SYCP2: variants seen among roughly 807,000 people sequenced by gnomAD.
SYCP2 encodes the protein synaptonemal complex protein 2, also known as synaptonemal complex lateral element protein.
Under a neutral mutation model 211.3 loss-of-function variants are expected in SYCP2, and 55 were observed. The ratio of observed to expected loss-of-function variants is 0.26; its 90% CI spans 0.21 to 0.33. The LOEUF (loss-of-function observed/expected upper bound fraction) is 0.33, where lower values mean the gene tolerates loss of function less well. Ranked by LOEUF, SYCP2 falls within the 10% of genes least tolerant of loss-of-function variation. The pLI, the probability that SYCP2 is intolerant of heterozygous loss-of-function variation, is 1.00. For missense variants in SYCP2, 1,731 were observed against 1,752.0 expected (o/e 0.99, Z 0.21); for synonymous variants, 570 against 555.2 (o/e 1.03, Z -0.37).
chr20:59,917,052 A>G (rs1176543731), intron 7 of SYCP2, among the ~76,000 whole-genome samples: 1 of 152,204 alleles, frequency 6.6e-6, no homozygotes, highest in Non-Finnish European at 1.5e-5. Flanking sequence ...AACACCACTC[A>G]ACAAATGTGA....
In SYCP2 at chr20:59,865,792, G is replaced by A. The variant is rs1307378974; in HGVS notation, c.4379+15C>T. 1.0e-5 allele frequency: 14 copies of A among 1,338,802 alleles called. No individual in the cohort carries two copies. Among genetic ancestry groups the A allele is most frequent in the Non-Finnish European group, 1.4e-5 (14 of 1,008,660 alleles). The allele number at this position is 1,338,802 out of a possible 1,614,324, so 82.9% of individuals were successfully genotyped here. A position where few individuals can be genotyped will look rare whatever the true frequency, so the allele number is the denominator to read the frequency against. On this transcript the variant is annotated intron_variant, in intron 42 of 44. Transcript: ENST00000357552. ...TAATTTTATAGATTATAGCCATTAA[G>A]AATGTCATACTAACCTCTGTTGTTC... is the stretch of plus-strand genomic sequence containing the variant.
intron 15 of SYCP2, among the ~76,000 whole-genome samples, chr20:59,902,403 A>C (rs2060131545): frequency 6.6e-6 from 1 of 152,072 alleles, no homozygotes; most frequent in African/African-American, 2.4e-5. Context: ...AAAAGTTACC[A>C]AAAAATTACC....
rs1229720990 is a variant in SYCP2 at position 59,865,884 on chromosome 20, T to A, written c.4321-19A>T. 9.2e-7 allele frequency: 1 copy of A among 1,091,196 alleles called. No individual in the cohort carries two copies. Among genetic ancestry groups the A allele is most frequent in the Non-Finnish European group, 1.3e-6 (1 of 781,858 alleles). The allele number at this position is 1,091,196 out of a possible 1,614,324, so 67.6% of individuals were successfully genotyped here. A position where few individuals can be genotyped will look rare whatever the true frequency, so the allele number is the denominator to read the frequency against. ...AAAAGTCCTAAATTAATTAATAAAA[T>A]TTTATTTAGTCCTAAATATTTTAGT... On this transcript the variant is annotated intron_variant, in intron 41 of 44. Transcript: ENST00000357552.
Position 59,898,880 on chromosome 20 carries a change from G to A in SYCP2, c.1404+1258C>T, listed in dbSNP as rs146534051. On this transcript the variant is annotated intron_variant, in intron 18 of 44. Transcript: ENST00000357552. ...CATGAATGAACATGGCATGCAAAGA[G>A]ACAGTAAAGCAAACTACCTTACAAA... 7.2e-4 allele frequency among the ~76,000 whole-genome samples: 109 copies of A among 152,202 alleles called. No individual in the cohort carries two copies. The East Asian group carries it at 0.02, about 27-fold the overall frequency.
chr20:59,909,143 CCTT>C (rs1174609237), intron 14 of SYCP2, among the ~76,000 whole-genome samples: 1 of 152,114 alleles, frequency 6.6e-6, no homozygotes, highest in African/African-American at 2.4e-5. Flanking sequence ...CTTCAAGTAT[CCTT>C]CTGGCTAAAA....
intron 15 of SYCP2, among the ~76,000 whole-genome samples, chr20:59,904,693 T>C (rs1273970994): frequency 1.3e-5 from 2 of 152,146 alleles, no homozygotes; most frequent in African/African-American, 2.4e-5. Context: ...ACTATATTAG[T>C]CTGTATTAGT....
chr20:59,926,549 T>G (rs571780631), intron 2 of SYCP2, among the ~76,000 whole-genome samples: 1 of 152,204 alleles, frequency 6.6e-6, no homozygotes, highest in East Asian at 1.9e-4. Context: ...CCCTAATAAC[T>G]TAAATAATAA....
intron 24 of SYCP2, among the ~76,000 whole-genome samples, chr20:59,891,654 A>G (rs1419682455): frequency 6.6e-6 from 1 of 152,016 alleles, no homozygotes; most frequent in Non-Finnish European, 1.5e-5. Flanking sequence ...AAAAAAAACC[A>G]TTTATTAAAA....
intron 26 of SYCP2, among the ~76,000 whole-genome samples, chr20:59,882,384 A>G (rs2059702232): frequency 6.6e-6 from 1 of 152,130 alleles, no homozygotes; most frequent in Non-Finnish European, 1.5e-5. Flanking sequence ...ACTGTGAATA[A>G]CAGTGTGAAG....
chr20:59,910,251 A>G (rs1379544085), intron 14 of SYCP2, among the ~76,000 whole-genome samples: 1 of 152,108 alleles, frequency 6.6e-6, no homozygotes, highest in Non-Finnish European at 1.5e-5. Context: ...GATTCTAAAT[A>G]TAGTTTTGGA....
chr20:59,892,254 A>T lies in SYCP2; in HGVS notation c.2100T>A (p.Pro700=), dbSNP rs749009999. The change falls in exon 24 of 45, where the codon CCT becomes CCA. Residue 700 remains proline (P), a synonymous_variant. Coordinates refer to ENST00000357552, the MANE Select transcript of SYCP2 (RefSeq NM_014258.4). ...CKKHNQQQNH[P]KYSGQKNTEN... ...CAGTATTTTTCTGCCCTGAATATTT[A>T]GGATGATTTTGTTGCTGATTGTGTT... 6.2e-7 allele frequency: 1 copy of T among 1,612,728 alleles called. No individual in the cohort carries two copies. The highest frequency in any genetic ancestry group is 1.7e-5 in the Admixed American group (1 of 59,856).
chr20:59,904,945 T>C (rs192365341), intron 15 of SYCP2, among the ~76,000 whole-genome samples: 15 of 152,136 alleles, frequency 9.9e-5, no homozygotes, highest in Admixed American at 8.5e-4. Context: ...ACAAGAGAAA[T>C]TGTCACCATG....
chr20:59,879,850 TATATATATATATACACAC>T lies in SYCP2; in HGVS notation c.2941+435_2941+452del, dbSNP rs1275391745. 1.0e-4 allele frequency among the ~76,000 whole-genome samples: 10 copies of T among 99,098 alleles called. No individual in the cohort carries two copies. In the East Asian group the frequency reaches 2.9e-3, roughly 28 times the overall value. 65.0% of individuals were successfully genotyped at this position (99,098 alleles called of 152,430 possible). A position where few individuals can be genotyped will look rare whatever the true frequency, so the allele number is the denominator to read the frequency against. On this transcript the variant is annotated intron_variant, in intron 31 of 44. Coordinates refer to ENST00000357552, the MANE Select transcript of SYCP2 (RefSeq NM_014258.4). ...ATATATATATATATATATATATATA[TATATATATATATACACAC>T]ACACACACACAAACATATAAATATA...
At position 59,900,870 on chromosome 20, in the gene SYCP2, T is replaced by C. The variant is rs186672871; in HGVS notation, c.1183-52A>G. 1.6e-5 allele frequency: 20 copies of C among 1,261,044 alleles called. No individual in the cohort carries two copies. The African/African-American group carries it at 3.0e-4, about 19-fold the overall frequency. 78.1% of individuals were successfully genotyped at this position (1,261,044 alleles called of 1,614,324 possible). A position where few individuals can be genotyped will look rare whatever the true frequency, so the allele number is the denominator to read the frequency against. On this transcript the variant is annotated intron_variant, in intron 16 of 44. Transcript: ENST00000357552. ...GACATTTTCTTCATTTTCTTTCCAC[T>C]TTTTCATATGTCATTTTATTTCCAT...
intron 34 of SYCP2, 56 bp downstream of exon 34, chr20:59,875,215 A>T (rs2059531995): frequency 9.1e-7 from 1 of 1,104,522 alleles, no homozygotes; most frequent in Non-Finnish European, 1.3e-6. Flanking sequence ...TCCCATAATT[A>T]GAGTTATAGA....
chr20:59,919,464 A>C, intron 6 of SYCP2, 29 bp downstream of exon 6: 1 of 1,421,150 alleles, frequency 7.0e-7, no homozygotes, highest in Non-Finnish European at 9.9e-7. Flanking sequence ...ATGCTTTATA[A>C]ATATCAGTGT....
rs904966428 is a variant in SYCP2 at position 59,932,861 on chromosome 20, C to T, written c.-139-707G>A. Among the ~76,000 whole-genome samples the T allele has an allele frequency of 2.7e-4, 41 of 152,114 alleles. No homozygotes were observed. In the East Asian group the frequency reaches 7.2e-3, roughly 27 times the overall value. On this transcript the variant is annotated intron_variant, in intron 1 of 44. Coordinates refer to ENST00000357552, the MANE Select transcript of SYCP2 (RefSeq NM_014258.4). ...CGCAAGGAGAGGCCGCAGGTGGGGA[C>T]GGCGGGAGGGAGAGAAGGGACTGAA...
intron 2 of SYCP2, among the ~76,000 whole-genome samples, chr20:59,931,685 C>A (rs1364281617): frequency 2.6e-5 from 4 of 152,072 alleles, no homozygotes; most frequent in African/African-American, 4.8e-5. Flanking sequence ...AAAAGTACAG[C>A]CAAAGAGGCA....
chr20:59,893,339 C>A, intron 21 of SYCP2, 140 bp from the exon 22 acceptor site: 1 of 755,210 alleles, frequency 1.3e-6, no homozygotes. Flanking sequence ...CTCTTAAACC[C>A]AAACTTCTGG....
Sources: allele counts gnomAD v4.1 joint callset (sites outside exome capture counted in the v4.1 genomes callset), GRCh38; gene constraint gnomAD v4.1.1; transcripts MANE v1.5; gene names NCBI Gene and HGNC (gene_info 2026-07-23, HGNC 2026-07-21).